The following DTWD1 variants were observed in gnomAD, a reference collection of about 807,000 sequenced individuals.
DTWD1 encodes the protein DTW motif tRNA-uridine aminocarboxypropyltransferase 1.
In DTWD1, 27 loss-of-function variants were observed where a neutral mutation model predicts 30.2. That is an observed-to-expected ratio of 0.90 (90% CI 0.66 to 1.23). The LOEUF (loss-of-function observed/expected upper bound fraction) is 1.23. DTWD1 is among the 50% of genes most tolerant of loss of function. The pLI, the probability that DTWD1 is intolerant of heterozygous loss-of-function variation, is 0.00. For synonymous variants in DTWD1, 99 were observed against 113.1 expected (o/e 0.88, Z 0.79); for missense variants, 342 against 348.8 (o/e 0.98, Z 0.15).
At chr15:49,632,125 T>C (rs764594208) in intron 2 of DTWD1, 34 bp from the exon 3 acceptor site, 1 of 1,494,326 alleles carries the variant, frequency 6.7e-7, no homozygotes. Flanking sequence ...AAAATGTTTA[T>C]ATATTTTTTT....
At chr15:49,626,242 T>C (rs1019009981) in intron 2 of DTWD1, among the ~76,000 whole-genome samples, 5 of 152,192 alleles carry the variant, frequency 3.3e-5, no homozygotes, top group African/African-American at 1.2e-4. Context: ...GAGAAAATAC[T>C]ATTCTAGTAG....
chr15:49,626,389 T>A (rs1488485746), intron 2 of DTWD1, among the ~76,000 whole-genome samples: 1 of 152,058 alleles, frequency 6.6e-6, no homozygotes, highest in Non-Finnish European at 1.5e-5. Context: ...ATCATTAGAG[T>A]GATTTTAAGC....
intron 4 of DTWD1, among the ~76,000 whole-genome samples, chr15:49,637,155 C>T (rs571020990): frequency 9.2e-5 from 14 of 152,088 alleles, no homozygotes; most frequent in Non-Finnish European, 1.8e-4. Context: ...ATTTCTTTCT[C>T]TTTCCACCCC....
intron 2 of DTWD1, among the ~76,000 whole-genome samples, chr15:49,625,983 A>T (rs2078838983): frequency 6.6e-6 from 1 of 152,164 alleles, no homozygotes; most frequent in Non-Finnish European, 1.5e-5. Context: ...AGAGGAATTT[A>T]TCATTCCTAG....
rs2079150273 is a variant in DTWD1, at chr15:49,651,238, A to G, written c.*7660A>G. 6.6e-6 allele frequency: 1 copy of G among 152,168 alleles called. No individual in the cohort carries two copies. Among genetic ancestry groups the G allele is most frequent in the Non-Finnish European group, 1.5e-5 (1 of 68,028 alleles). 9.4% of individuals were successfully genotyped at this position (152,168 alleles called of 1,614,324 possible). On this transcript the variant is annotated 3_prime_UTR_variant, in exon 5 of 5. Coordinates refer to ENST00000403028, the MANE Select transcript of DTWD1 (RefSeq NM_001144955.2). ...AAGAATAAATACTGGAAGATCAAGCACAGAAAGTCTAGAATAGAGGCATGT... is the reference window on the plus strand; with the variant it reads ...AAGAATAAATACTGGAAGATCAAGCGCAGAAAGTCTAGAATAGAGGCATGT...
chr15:49,628,094 CT>C (rs113910283), intron 2 of DTWD1, among the ~76,000 whole-genome samples: 9,072 of 151,980 alleles, frequency 0.06, 703 homozygotes, highest in African/African-American at 0.18. Flanking sequence ...ACTTTTTAAA[CT>C]TTTTTTGTTG....
In DTWD1 at chr15:49,653,949, A is replaced by G. The variant is rs1342431448; in HGVS notation, c.*10371A>G. The G allele has an allele frequency of 6.6e-6, 1 of 152,136 alleles. No individual in the cohort carries two copies. Among genetic ancestry groups the G allele is most frequent in the Non-Finnish European group, 1.5e-5 (1 of 68,032 alleles). 9.4% of individuals were successfully genotyped at this position (152,136 alleles called of 1,614,324 possible). On this transcript the variant is annotated 3_prime_UTR_variant, in exon 5 of 5. Transcript: ENST00000403028. ...AGCCAAGAAGCAAGGAGAGCAATGG[A>G]TTAGGAAACCACTACCAGAGGGATG...
At position 49,648,166 on chromosome 15, in the gene DTWD1, A is replaced by C; in HGVS notation, c.*4588A>C. On this transcript the variant is annotated 3_prime_UTR_variant, in exon 5 of 5. Transcript: ENST00000403028. The stretch of plus-strand genomic sequence containing the variant: ...CCAACTACTTAAGTTTACAAAAAAT[A>C]ATGAGCATTAGGTAGATGGAATGAA... 1 of 152,232 alleles carries C rather than the reference A, an allele frequency of 6.6e-6. No homozygotes were observed. Among genetic ancestry groups the C allele is most frequent in the Non-Finnish European group, 1.5e-5 (1 of 68,042 alleles). The allele number at this position is 152,232 out of a possible 1,614,324, so 9.4% of individuals were successfully genotyped here.
At chr15:49,623,836 C>T (rs1224587220) in intron 1 of DTWD1, 1 of 152,106 alleles carries the variant, frequency 6.6e-6, no homozygotes, top group African/African-American at 2.4e-5. Flanking sequence ...GTAAGATTTT[C>T]TATTTGTGAG....
chr15:49,638,884 T>C (rs550964786), intron 4 of DTWD1, among the ~76,000 whole-genome samples: 42 of 152,296 alleles, frequency 2.8e-4, no homozygotes, highest in South Asian at 1.7e-3. Flanking sequence ...AAGAATGATA[T>C]AACATTCTTA....
At chr15:49,635,272 T>G (rs2081373569) in intron 4 of DTWD1, among the ~76,000 whole-genome samples, 1 of 152,080 alleles carries the variant, frequency 6.6e-6, no homozygotes, top group Non-Finnish European at 1.5e-5. Flanking sequence ...TGACCTCAGG[T>G]GATCCTCCTG....
chr15:49,634,222 G>A (rs1397495215), intron 3 of DTWD1, among the ~76,000 whole-genome samples: 3 of 152,104 alleles, frequency 2.0e-5, no homozygotes. Flanking sequence ...GAAGTATCAT[G>A]TACTTTGCTT....
chr15:49,653,366 G>C lies in DTWD1; in HGVS notation c.*9788G>C, dbSNP rs956166330. 1.3e-5 allele frequency: 2 copies of C among 152,046 alleles called. No individual in the cohort carries two copies. Among genetic ancestry groups the C allele is most frequent in the African/African-American group, 2.4e-5 (1 of 41,416 alleles). The allele number at this position is 152,046 out of a possible 1,614,324, so 9.4% of individuals were successfully genotyped here. A position where few individuals can be genotyped will look rare whatever the true frequency, so the allele number is the denominator to read the frequency against. On this transcript the variant is annotated 3_prime_UTR_variant, in exon 5 of 5. Transcript: ENST00000403028. ...AAGCCCCAAGCAGCCTCTGGAAGCT[G>C]GAAAAAGCAAAGAAACAGATTCTTT... is the stretch of plus-strand genomic sequence containing the variant.
chr15:49,634,387 A>G (rs1359617419), intron 3 of DTWD1, 149 bp from the exon 4 acceptor site: 4 of 667,212 alleles, frequency 6.0e-6, no homozygotes, highest in African/African-American at 1.9e-5. Context: ...ACTTTACCAT[A>G]CATATTAAAG....
intron 2 of DTWD1, among the ~76,000 whole-genome samples, chr15:49,630,436 A>C (rs2078904161): frequency 6.6e-6 from 1 of 152,188 alleles, no homozygotes; most frequent in Non-Finnish European, 1.5e-5. Context: ...GGAACTACCA[A>C]ATAAAACAAA....
In DTWD1 at chr15:49,643,486, G is replaced by T; in HGVS notation, c.823G>T (p.Asp275Tyr). 1.2e-6 allele frequency: 2 copies of T among 1,609,230 alleles called. No individual in the cohort carries two copies. The highest frequency in any genetic ancestry group is 2.2e-5 in the South Asian group (2 of 90,058). The change falls in exon 5 of 5, where the codon GAC (aspartate) becomes TAC (tyrosine). Residue 275 changes from aspartate to tyrosine, a missense_variant. Coordinates refer to ENST00000403028, the MANE Select transcript of DTWD1 (RefSeq NM_001144955.2). The stretch of plus-strand genomic sequence containing the variant: ...AAAAGAGAAATACAGAGGGCAATAT[G>T]ACAATCTTTTATTTTTCTATTCTTT... Reference protein sequence around the residue: ...ILKEKYRGQYDNLLFFYSFMY... With the variant: ...ILKEKYRGQYYNLLFFYSFMY...
rs952567206 is a variant in DTWD1 at position 49,648,808 on chromosome 15, G to A, written c.*5230G>A. On this transcript the variant is annotated 3_prime_UTR_variant, in exon 5 of 5. Transcript: ENST00000403028. ...CTATGACCTCACTCTTTATTCAGCA[G>A]TTCTGCCACTATTACTAGCTAATCC... is the stretch of plus-strand genomic sequence containing the variant. The A allele has an allele frequency of 2.6e-5, 4 of 152,132 alleles. No homozygotes were observed. Among genetic ancestry groups the A allele is most frequent in the Admixed American group, 2.0e-4 (3 of 15,272 alleles). 9.4% of individuals were successfully genotyped at this position (152,132 alleles called of 1,614,324 possible).
At position 49,634,471 on chromosome 15, in the gene DTWD1, A is replaced by C. The variant is rs541763308; in HGVS notation, c.409-65A>C. On this transcript the variant is annotated intron_variant, in intron 3 of 4. Transcript: ENST00000403028. ...CATATCTTTCTTAAAATTTTAAGTC[A>C]ATCAAAATTTATATATTTTGAAGAT... 63 of 1,474,780 alleles carry C rather than the reference A, an allele frequency of 4.3e-5. No homozygotes were observed. In the Admixed American group the frequency reaches 1.5e-3, roughly 35 times the overall value. The allele number at this position is 1,474,780 out of a possible 1,614,324, so 91.4% of individuals were successfully genotyped here.
chr15:49,622,835 A>G (rs563541696), intron 1 of DTWD1, among the ~76,000 whole-genome samples: 1 of 152,314 alleles, frequency 6.6e-6, no homozygotes, highest in East Asian at 1.9e-4. Context: ...GAGAGTATAT[A>G]GGTGAACTAA....
Sources: allele counts gnomAD v4.1 joint callset (sites outside exome capture counted in the v4.1 genomes callset), GRCh38; gene constraint gnomAD v4.1.1; transcripts MANE v1.5; gene names NCBI Gene and HGNC (gene_info 2026-07-23, HGNC 2026-07-21).